Variants in FREM3 observed in about 807,000 individuals in gnomAD.
The protein encoded by FREM3 is FRAS1 related extracellular matrix 3.
Under a neutral mutation model 129.1 loss-of-function variants are expected in FREM3, and 105 were observed. That is an observed-to-expected ratio of 0.81 (90% confidence interval 0.69 to 0.96). The LOEUF is 0.96. FREM3 is among the 40% of genes least tolerant of loss of function. The pLI is 0.00. For synonymous variants in FREM3, 1,014 were observed against 1,044.9 expected (o/e 0.97, Z 0.57); for missense variants, 2,593 against 2,666.3 (o/e 0.97, Z 0.61).
intron 6 of FREM3, among the ~76,000 whole-genome samples, chr4:143,602,740 T>C (rs1738594541): frequency 6.6e-6 from 1 of 152,170 alleles, no homozygotes; most frequent in Non-Finnish European, 1.5e-5. Flanking sequence ...TAGGTTAGCA[T>C]GGTTACATCT....
intron 2 of FREM3, among the ~76,000 whole-genome samples, chr4:143,647,522 G>A (rs1310069938): frequency 6.6e-6 from 1 of 152,174 alleles, no homozygotes; most frequent in Non-Finnish European, 1.5e-5. Flanking sequence ...TGGGCCCAGG[G>A]CCTTGCTGCT....
chr4:143,603,976 G>A (rs1738622292), intron 6 of FREM3, among the ~76,000 whole-genome samples: 1 of 152,180 alleles, frequency 6.6e-6, no homozygotes, highest in Non-Finnish European at 1.5e-5. Flanking sequence ...GTGATCCCCA[G>A]TGTTGGAGGT....
chr4:143,695,599 G>T lies in FREM3; in HGVS notation c.5077C>A (p.Gln1693Lys). 6.5e-7 allele frequency: 1 copy of T among 1,537,316 alleles called. No homozygotes were observed. The highest frequency in any genetic ancestry group is 2.4e-5 in the East Asian group (1 of 40,922). ...TTCAGAAGCCTGTGGGGACTGTCCT[G>T]ATCTTCTGCCTTCAGAGACTTGCTG... Reference protein sequence around the residue: ...ITSKSLKAEDQDSPHRLLKYK... With the variant: ...ITSKSLKAEDKDSPHRLLKYK... Residue 1693 changes from glutamine (Q) to lysine (K), a missense_variant, in exon 1 of 8, where the codon CAG becomes AAG. Transcript: ENST00000329798.
intron 6 of FREM3, among the ~76,000 whole-genome samples, chr4:143,593,739 A>C (rs1204071552): frequency 6.6e-6 from 1 of 152,220 alleles, no homozygotes; most frequent in Non-Finnish European, 1.5e-5. Context: ...GCATGCTGGG[A>C]GAACCACTAC....
rs73852684 is a variant in FREM3, at chr4:143,619,787, A to C, written c.5779+1250T>G. ...TGGGGACCTCAAGGCCCTACTATTAAAGTTTCCATCTGCCAAGGTACTGCC... is the reference window on the plus strand; with the variant it reads ...TGGGGACCTCAAGGCCCTACTATTACAGTTTCCATCTGCCAAGGTACTGCC... On this transcript the variant is annotated intron_variant, in intron 5 of 7. Transcript: ENST00000329798. Among the ~76,000 whole-genome samples the C allele has an allele frequency of 7.4e-3, 1,124 of 152,204 alleles. 13 individuals are homozygous for C. The highest frequency in any genetic ancestry group is 0.025 in the African/African-American group (1,053 of 41,516).
At position 143,656,801 on chromosome 4, in the gene FREM3, T is replaced by C. The variant is rs572319283; in HGVS notation, c.5276-29041A>G. Among the ~76,000 whole-genome samples the C allele has an allele frequency of 3.3e-5, 5 of 152,270 alleles. No homozygotes were observed. The South Asian group carries it at 1.0e-3, about 32-fold the overall frequency. On this transcript the variant is annotated intron_variant, in intron 2 of 7. Transcript: ENST00000329798. ...CAATTGCATACTTTAAGTGGGTAAATTGTATAAGATGTGAGTTTTCTTCAA... is the reference window on the plus strand; with the variant it reads ...CAATTGCATACTTTAAGTGGGTAAACTGTATAAGATGTGAGTTTTCTTCAA...
At chr4:143,629,191 AC>A (rs760574554) in intron 2 of FREM3, among the ~76,000 whole-genome samples, 1 of 152,132 alleles carries the variant, frequency 6.6e-6, no homozygotes, top group Non-Finnish European at 1.5e-5. Flanking sequence ...TACTTTCTAT[AC>A]CAGACTGTGC....
chr4:143,609,480 TAA>T (rs34325536), intron 6 of FREM3, among the ~76,000 whole-genome samples: 19,434 of 151,350 alleles, frequency 0.13, 1,436 homozygotes, highest in South Asian at 0.23. Flanking sequence ...GTAGAAAATG[TAA>T]AAAAAAAGTC....
chr4:143,620,894 C>T (rs534395150), intron 5 of FREM3, 143 bp downstream of exon 5: 12 of 735,656 alleles, frequency 1.6e-5, no homozygotes, highest in African/African-American at 3.6e-5. Context: ...AAAGGGGGTT[C>T]GCAGCAGGGC....
intron 6 of FREM3, among the ~76,000 whole-genome samples, chr4:143,597,438 T>C (rs1320022801): frequency 5.9e-5 from 9 of 152,248 alleles, no homozygotes; most frequent in Non-Finnish European, 1.0e-4. Context: ...ACAGTTTTTA[T>C]GCCAGTATCT....
intron 2 of FREM3, among the ~76,000 whole-genome samples, chr4:143,677,507 C>A (rs1165748887): frequency 6.6e-6 from 1 of 152,134 alleles, no homozygotes; most frequent in Non-Finnish European, 1.5e-5. Context: ...TCTGAAACAC[C>A]AAAAGCAATG....
Position 143,697,117 on chromosome 4 carries a change from G to C in FREM3, c.3559C>G (p.Leu1187Val). 2.6e-6 allele frequency: 4 copies of C among 1,537,824 alleles called. No individual in the cohort carries two copies. The highest frequency in any genetic ancestry group is 3.5e-6 in the Non-Finnish European group (4 of 1,147,030). ...SPNVFFPIII[L>V]PTNDEQPKLF... ...TTAGGCTGCTCATCATTGGTGGGTA[G>C]GATGATTATAGGGAAGAAGACATTT... Residue 1187 changes from leucine (L) to valine (V), a missense_variant, in exon 1 of 8, where the codon CTA becomes GTA. By Grantham distance (32) the Leu-to-Val change is conservative (BLOSUM62 1). This residue lies in a region of FREM3 where 2,276 missense variants were observed against 2,267.2 expected (regional missense o/e 1.00). Transcript: ENST00000329798.
chr4:143,684,965 A>T (rs1342628298), intron 2 of FREM3, among the ~76,000 whole-genome samples: 3 of 152,190 alleles, frequency 2.0e-5, no homozygotes, highest in Non-Finnish European at 4.4e-5. Flanking sequence ...AAAAAAGAAT[A>T]AGAAAATATG....
At chr4:143,623,627 A>G (rs1738993873) in intron 4 of FREM3, among the ~76,000 whole-genome samples, 1 of 152,052 alleles carries the variant, frequency 6.6e-6, no homozygotes, top group Non-Finnish European at 1.5e-5. Context: ...AATGAATACA[A>G]AAAACGAACC....
chr4:143,695,736 A>T lies in FREM3; in HGVS notation c.4940T>A (p.Val1647Glu), dbSNP rs1040007147. 30 of 1,537,120 alleles carry T rather than the reference A, an allele frequency of 2.0e-5. No homozygotes were observed. In the African/African-American group the frequency reaches 4.1e-4, roughly 21 times the overall value. ...TAATGATCTTATCTGGACCCTCATTACTTGAGGTTTGTGTGTCGCCAGGGC... is the reference window on the plus strand; with the variant it reads ...TAATGATCTTATCTGGACCCTCATTTCTTGAGGTTTGTGTGTCGCCAGGGC... ...DTALATHKPQVMRVQIRSLDN... is the reference protein window; with the variant it reads ...DTALATHKPQEMRVQIRSLDN... Residue 1647 changes from valine (V) to glutamate (E), a missense_variant, in exon 1 of 8, where the codon GTA becomes GAA. Val to Glu is a moderately radical substitution (Grantham distance 121). Around this residue, in one of 2 missense-constraint regions of FREM3, gnomAD observed 2,276 missense variants for 2,267.2 expected, o/e 1.00. Transcript: ENST00000329798.
chr4:143,699,273 A>G lies in FREM3; in HGVS notation c.1403T>C (p.Val468Ala), dbSNP rs374705043. 7.8e-6 allele frequency: 12 copies of G among 1,536,792 alleles called. No homozygotes were observed. The highest frequency in any genetic ancestry group is 1.0e-5 in the Non-Finnish European group (12 of 1,146,866). Reference sequence around the variant, plus strand: ...CAAGCCCCTGACTGCAGCCATTTTCACCTCTTCCAGGTTATCTTTATCACT... The same window carrying G: ...CAAGCCCCTGACTGCAGCCATTTTCGCCTCTTCCAGGTTATCTTTATCACT... ...PISDKDNLEE[V>A]KMAAVRGLRH... Residue 468 changes from valine to alanine, a missense_variant, in exon 1 of 8, where the codon GTG becomes GCG. This residue lies in a region of FREM3 where 2,276 missense variants were observed against 2,267.2 expected (regional missense o/e 1.00). Transcript: ENST00000329798. The surrounding 1 kb of genome is among the most constrained non-coding windows in gnomAD (Gnocchi z 4.2).
intron 2 of FREM3, among the ~76,000 whole-genome samples, chr4:143,691,709 A>G (rs1740474281): frequency 6.6e-6 from 1 of 152,232 alleles, no homozygotes; most frequent in Non-Finnish European, 1.5e-5. Context: ...GGGACTGGCT[A>G]GCTCACAGAA....
chr4:143,588,241 G>A (rs1417218464), intron 6 of FREM3, among the ~76,000 whole-genome samples: 7 of 151,626 alleles, frequency 4.6e-5, no homozygotes, highest in African/African-American at 1.7e-4. Flanking sequence ...GCTATCCTGT[G>A]TTTTTTTTAT....
chr4:143,665,696 A>T (rs1739846083), intron 2 of FREM3, among the ~76,000 whole-genome samples: 1 of 152,238 alleles, frequency 6.6e-6, no homozygotes, highest in Non-Finnish European at 1.5e-5. Flanking sequence ...GAATTTTGAG[A>T]TGTTTAAATT....
Sources: gnomAD v4.1 joint callset for allele counts (sites outside exome capture counted in the v4.1 genomes callset) on GRCh38, gnomAD v4.1.1 for gene constraint, gnomAD v4.1.1 regional missense constraint, Gnocchi (gnomAD v3.1) non-coding constraint, MANE v1.5 for transcripts, NCBI Gene and HGNC (gene_info 2026-07-23, HGNC 2026-07-21) for gene names.